The following EGLN1 variants were observed in gnomAD, a reference collection of about 807,000 sequenced individuals.
The protein encoded by EGLN1 is egl nine homolog 1.
Under a neutral mutation model 38.3 loss-of-function variants are expected in EGLN1, and 17 were observed. The ratio of observed to expected loss-of-function variants is 0.44; its 90% CI spans 0.30 to 0.67. The LOEUF is 0.67. Among genes scored for constraint, EGLN1 ranks in the 30% least tolerant of loss-of-function variants. The pLI is 0.08. For missense variants in EGLN1, 477 were observed against 603.3 expected (o/e 0.79, Z 2.19); for synonymous variants, 283 against 257.5 (o/e 1.10, Z -0.95).
intron 1 of EGLN1, among the ~76,000 whole-genome samples, chr1:231,411,419 AACAG>A (rs1688939229): frequency 6.6e-6 from 1 of 152,202 alleles, no homozygotes; most frequent in South Asian, 2.1e-4. Context: ...GCAGTGTGAA[AACAG>A]ACAAACACAA....
chr1:231,367,449 T>C (rs1179694765), intron 4 of EGLN1, 120 bp downstream of exon 4: 85 of 1,073,536 alleles, frequency 7.9e-5, no homozygotes, highest in South Asian at 1.8e-4. Flanking sequence ...AGAAATCTGA[T>C]AAAAAACAAA....
At chr1:231,419,517 G>A (rs1656491639) in intron 1 of EGLN1, among the ~76,000 whole-genome samples, 1 of 152,148 alleles carries the variant, frequency 6.6e-6, no homozygotes, top group Non-Finnish European at 1.5e-5. Flanking sequence ...TTCCTGCTCT[G>A]GAGCTCAGGA....
intron 1 of EGLN1, among the ~76,000 whole-genome samples, chr1:231,379,739 C>T (rs1404215177): frequency 6.6e-6 from 1 of 152,170 alleles, no homozygotes; most frequent in East Asian, 1.9e-4. Flanking sequence ...AAGAAAACTT[C>T]GCAGACATGG....
intron 1 of EGLN1, among the ~76,000 whole-genome samples, chr1:231,394,112 C>T (rs116272338): frequency 0.032 from 4,875 of 152,196 alleles, 264 homozygotes; most frequent in African/African-American, 0.11. Context: ...TTTTTGCTAG[C>T]TTATTTTTTC....
intron 1 of EGLN1, among the ~76,000 whole-genome samples, chr1:231,378,596 G>C (rs1688011909): frequency 1.3e-5 from 2 of 152,110 alleles, no homozygotes; most frequent in South Asian, 4.1e-4. Context: ...GTGCCTGGCT[G>C]ATTGAGAATG....
intron 1 of EGLN1, among the ~76,000 whole-genome samples, chr1:231,414,536 A>T (rs980940157): frequency 2.6e-5 from 4 of 152,194 alleles, no homozygotes; most frequent in African/African-American, 9.7e-5. Context: ...AAACGGCTTT[A>T]AATAGTATCA....
chr1:231,394,534 A>T (rs1276068593), intron 1 of EGLN1, among the ~76,000 whole-genome samples: 4 of 127,660 alleles, frequency 3.1e-5, no homozygotes, highest in Non-Finnish European at 6.8e-5. Context: ...GCCCGCCACC[A>T]CGCCCGACTA....
intron 2 of EGLN1, among the ~76,000 whole-genome samples, chr1:231,373,612 C>A (rs1185947132): frequency 6.6e-6 from 1 of 152,024 alleles, no homozygotes; most frequent in African/African-American, 2.4e-5. Context: ...CACACCACAA[C>A]CAAGGTAATA....
At chr1:231,412,285 A>G (rs1688974044) in intron 1 of EGLN1, among the ~76,000 whole-genome samples, 1 of 152,178 alleles carries the variant, frequency 6.6e-6, no homozygotes, top group Non-Finnish European at 1.5e-5. Flanking sequence ...TTGATAAGTC[A>G]GTGGAACTAT....
At position 231,422,034 on chromosome 1, in the gene EGLN1, G is replaced by T. The variant is rs1333603017; in HGVS notation, c.-146C>A. ...CCGCTACCCTCGCCTCAGGGAGGCC[G>T]GCACCCCACGCCCTCGGCCCGGCCG... On this transcript the variant is annotated 5_prime_UTR_variant, in exon 1 of 5. Coordinates refer to ENST00000366641, the MANE Select transcript of EGLN1 (RefSeq NM_022051.3). The T allele has an allele frequency of 6.9e-6, 6 of 867,598 alleles. No individual in the cohort carries two copies. The South Asian group carries it at 1.5e-4, about 22-fold the overall frequency. 53.7% of individuals were successfully genotyped at this position (867,598 alleles called of 1,614,324 possible).
intron 1 of EGLN1, among the ~76,000 whole-genome samples, chr1:231,414,248 C>A (rs906793459): frequency 1.3e-5 from 2 of 152,032 alleles, no homozygotes; most frequent in African/African-American, 4.8e-5. Context: ...AAAGAAACTG[C>A]CCAAGAATGT....
intron 2 of EGLN1, 141 bp downstream of exon 2, chr1:231,373,839 C>T (rs1249528065): frequency 1.2e-5 from 11 of 888,952 alleles, no homozygotes; most frequent in South Asian, 3.1e-5. Flanking sequence ...AAAATCCACT[C>T]CTAATACCTG....
At chr1:231,398,675 G>C (rs1688591057) in intron 1 of EGLN1, among the ~76,000 whole-genome samples, 1 of 152,200 alleles carries the variant, frequency 6.6e-6, no homozygotes, top group Non-Finnish European at 1.5e-5. Context: ...TGATAAGAGA[G>C]AAAGATGAAT....
intron 1 of EGLN1, among the ~76,000 whole-genome samples, chr1:231,386,748 TAGAC>T (rs902698716): frequency 1.3e-5 from 2 of 152,226 alleles, no homozygotes; most frequent in African/African-American, 4.8e-5. Flanking sequence ...GATGATAGAT[TAGAC>T]AGATAAAGAA....
intron 1 of EGLN1, among the ~76,000 whole-genome samples, chr1:231,385,726 A>G (rs1213673347): frequency 6.6e-6 from 1 of 152,258 alleles, no homozygotes; most frequent in Non-Finnish European, 1.5e-5. Context: ...TCACTTCGGT[A>G]GGTGACTGAG....
rs1043067715 is a variant in EGLN1 at position 231,365,794 on chromosome 1, A to G, written c.*617T>C. 1.3e-5 allele frequency: 2 copies of G among 153,118 alleles called. No homozygotes were observed. Among genetic ancestry groups the G allele is most frequent in the African/African-American group, 4.8e-5 (2 of 41,466 alleles). 9.5% of individuals were successfully genotyped at this position (153,118 alleles called of 1,614,324 possible). ...AAAGCAGCAATCTTTAACAGTTCAA[A>G]TTAGTGTAAGGAAGGACTACAAAAC... On this transcript the variant is annotated 3_prime_UTR_variant, in exon 5 of 5. Coordinates refer to ENST00000366641, the MANE Select transcript of EGLN1 (RefSeq NM_022051.3).
intron 1 of EGLN1, among the ~76,000 whole-genome samples, chr1:231,410,066 G>T (rs1688897807): frequency 6.6e-6 from 1 of 152,152 alleles, no homozygotes. Flanking sequence ...CATTTAAGGG[G>T]CAGACACTGC....
At chr1:231,371,724 G>T (rs555036796) in intron 2 of EGLN1, among the ~76,000 whole-genome samples, 1 of 152,080 alleles carries the variant, frequency 6.6e-6, no homozygotes, top group African/African-American at 2.4e-5. Context: ...TTGTCCTTGC[G>T]GGGTTTACGA....
At chr1:231,408,413 T>C (rs1336919812) in intron 1 of EGLN1, among the ~76,000 whole-genome samples, 5 of 152,152 alleles carry the variant, frequency 3.3e-5, no homozygotes, top group African/African-American at 1.2e-4. Context: ...AAGCAGCTGG[T>C]GAGCATTAAA....
Sources: gnomAD v4.1 joint callset for allele counts (sites outside exome capture counted in the v4.1 genomes callset) on GRCh38, gnomAD v4.1.1 for gene constraint, MANE v1.5 for transcripts, NCBI Gene and HGNC (gene_info 2026-07-23, HGNC 2026-07-21) for gene names.